Variants in CNTN3 observed in about 807,000 individuals in gnomAD.
CNTN3 encodes the protein contactin 3.
Under a neutral mutation model 119.1 loss-of-function variants are expected in CNTN3, and 60 were observed. The ratio of observed to expected loss-of-function variants is 0.50; its 90% CI spans 0.41 to 0.62. CNTN3 has a LOEUF of 0.62. Ranked by LOEUF, CNTN3 falls within the 20% of genes least tolerant of loss-of-function variation. The pLI is 0.00. For missense variants in CNTN3, 1,101 were observed against 1,242.4 expected, an observed-to-expected ratio of 0.89 and a Z score of 1.71; for synonymous variants, 450 against 438.7, an observed-to-expected ratio of 1.03 and a Z score of -0.32.
At chr3:74,470,598 T>C (rs924362177) in intron 4 of CNTN3, among the ~76,000 whole-genome samples, 12 of 151,946 alleles carry the variant, frequency 7.9e-5, no homozygotes, top group Non-Finnish European at 1.6e-4. Flanking sequence ...TTGGGCAGAG[T>C]ATGGCCCGGG....
chr3:74,512,692 C>CAAAAAAAAAAAAAAAACAAAAAA (rs1703388416), intron 2 of CNTN3, among the ~76,000 whole-genome samples: 1 of 85,262 alleles, frequency 1.2e-5, no homozygotes, highest in Non-Finnish European at 2.1e-5. Flanking sequence ...CATAATCAAG[C>CAAAAAAAAAAAAAAAACAAAAAA]AAAAAAAAAA....
intron 1 of CNTN3, among the ~76,000 whole-genome samples, chr3:74,551,660 A>T (rs1303311649): frequency 6.7e-6 from 1 of 149,348 alleles, no homozygotes; most frequent in Non-Finnish European, 1.5e-5. Flanking sequence ...GGCAACTATT[A>T]ATCTTTTTAC....
intron 16 of CNTN3, among the ~76,000 whole-genome samples, 159 bp from the exon 17 acceptor site, chr3:74,300,097 C>T (rs1342818458): frequency 1.3e-5 from 2 of 151,944 alleles, no homozygotes; most frequent in African/African-American, 2.4e-5. Context: ...ATATTATATG[C>T]ATTTATATAT....
In CNTN3 at chr3:74,385,123, T is replaced by G. The variant is rs540124191; in HGVS notation, c.455-13724A>C. 2.6e-5 allele frequency among the ~76,000 whole-genome samples: 4 copies of G among 152,350 alleles called. No individual in the cohort carries two copies. The East Asian group carries it at 7.7e-4, about 29-fold the overall frequency. ...GGGCTCTGATAAAAATAATAAATTT[T>G]ATCACTTCTTGTTAGAGAAGGATTT... On this transcript the variant is annotated intron_variant, in intron 5 of 22. Transcript: ENST00000263665.
At chr3:74,575,606 A>AACACACACACACACACAC (rs71129762) in intron 1 of CNTN3, among the ~76,000 whole-genome samples, 5,347 of 135,036 alleles carry the variant, frequency 0.04, 198 homozygotes, top group Non-Finnish European at 0.051. Context: ...AGTCTCTCCC[A>AACACACACACACACACAC]ACACACACAC....
chr3:74,373,715 T>A (rs565149058), intron 5 of CNTN3, among the ~76,000 whole-genome samples: 83 of 152,296 alleles, frequency 5.4e-4, no homozygotes, highest in African/African-American at 1.9e-3. Flanking sequence ...CCCTTTATAA[T>A]GTTTATTTTA....
At chr3:74,511,328 A>G (rs913762335) in intron 2 of CNTN3, among the ~76,000 whole-genome samples, 1 of 152,050 alleles carries the variant, frequency 6.6e-6, no homozygotes, top group African/African-American at 2.4e-5. Context: ...ATTCACATAT[A>G]ATTACTTGCA....
intron 1 of CNTN3, among the ~76,000 whole-genome samples, chr3:74,578,376 T>C (rs1390397798): frequency 6.6e-6 from 1 of 152,128 alleles, no homozygotes; most frequent in South Asian, 2.1e-4. Context: ...GAGATTCTTG[T>C]GCAATGCATC....
chr3:74,275,886 CT>C (rs1239149209), intron 20 of CNTN3, among the ~76,000 whole-genome samples: 3 of 152,052 alleles, frequency 2.0e-5, no homozygotes, highest in African/African-American at 7.2e-5. Context: ...TATCTGCTGC[CT>C]TCAGGAGACT....
chr3:74,521,028 C>G, intron 2 of CNTN3, 30 bp downstream of exon 2: 1 of 1,462,602 alleles, frequency 6.8e-7, no homozygotes, highest in South Asian at 1.2e-5. Context: ...CTTCTAACCT[C>G]AACTTAGAAA....
chr3:74,309,180 C>A (rs1311602248), intron 13 of CNTN3, among the ~76,000 whole-genome samples: 2 of 152,086 alleles, frequency 1.3e-5, no homozygotes, highest in Non-Finnish European at 2.9e-5. Flanking sequence ...TCTTAGCACC[C>A]TGCAACCTCC....
intron 13 of CNTN3, among the ~76,000 whole-genome samples, chr3:74,313,185 C>T (rs928879176): frequency 2.0e-5 from 3 of 151,278 alleles, no homozygotes; most frequent in Non-Finnish European, 4.4e-5. Flanking sequence ...AATGGAACAA[C>T]TACCAAGGGT....
rs78769695 is a variant in CNTN3, at chr3:74,444,095, C to T, written c.359-19155G>A. Among the ~76,000 whole-genome samples, 113 of 152,206 alleles carry T rather than the reference C, an allele frequency of 7.4e-4. 1 individual carries two copies. In the East Asian group the frequency reaches 0.017, roughly 22 times the overall value. ...ACTATAATCTCCGCCTCCATTGTCA[C>T]GTAGCATTCTCCCTGTGTGTCTCCG... On this transcript the variant is annotated intron_variant, in intron 4 of 22. Coordinates refer to ENST00000263665, the MANE Select transcript of CNTN3 (RefSeq NM_020872.3).
chr3:74,267,432 T>C (rs769023347), intron 20 of CNTN3, 54 bp from the exon 21 acceptor site: 66 of 1,256,648 alleles, frequency 5.3e-5, no homozygotes, highest in Non-Finnish European at 7.4e-5. Flanking sequence ...AGTGATATTT[T>C]ACACGGAGGA....
At position 74,262,908 on chromosome 3, in the gene CNTN3, G is replaced by C. The variant is rs964492433; in HGVS notation, c.*1493C>G. The stretch of plus-strand genomic sequence containing the variant: ...ATATACAGTATATGCGGACCTTATA[G>C]AGAAAGTTATAAATATTTATTGTTT... On this transcript the variant is annotated 3_prime_UTR_variant, in exon 23 of 23. Transcript: ENST00000263665. 2.0e-5 allele frequency: 3 copies of C among 151,200 alleles called. No individual in the cohort carries two copies. The East Asian group carries it at 5.8e-4, about 29-fold the overall frequency. The allele number at this position is 151,200 out of a possible 1,614,324, so 9.4% of individuals were successfully genotyped here. A position where few individuals can be genotyped will look rare whatever the true frequency, so the allele number is the denominator to read the frequency against.
intron 4 of CNTN3, among the ~76,000 whole-genome samples, chr3:74,451,543 CT>C (rs1022651722): frequency 8.8e-4 from 134 of 152,238 alleles, no homozygotes; most frequent in Non-Finnish European, 1.4e-3. Context: ...TCAATTTTGG[CT>C]TTTGTTGCCA....
chr3:74,485,801 C>T (rs13092046), intron 4 of CNTN3, among the ~76,000 whole-genome samples: 49,335 of 151,614 alleles, frequency 0.33, 10,669 homozygotes, highest in Non-Finnish European at 0.48. Flanking sequence ...GGGTCCAAGT[C>T]CAAATTTCCT....
chr3:74,371,502 T>G, intron 5 of CNTN3, 103 bp from the exon 6 acceptor site: 1 of 789,914 alleles, frequency 1.3e-6, no homozygotes, highest in Non-Finnish European at 2.1e-6. Flanking sequence ...TTCCAAGTAG[T>G]GCTGAGTGTT....
intron 1 of CNTN3, among the ~76,000 whole-genome samples, chr3:74,542,956 C>T (rs539505504): frequency 6.6e-6 from 1 of 152,030 alleles, no homozygotes; most frequent in South Asian, 2.1e-4. Flanking sequence ...CCCATCTCTA[C>T]AAAAATTAAA....
Sources: allele counts gnomAD v4.1 joint callset (sites outside exome capture counted in the v4.1 genomes callset), GRCh38; gene constraint gnomAD v4.1.1; transcripts MANE v1.5; gene names NCBI Gene and HGNC (gene_info 2026-07-23, HGNC 2026-07-21).